NALF1: variants seen among roughly 807,000 people sequenced by gnomAD.
The protein encoded by NALF1 is NALCN channel auxiliary factor 1.
A neutral mutation model predicts 48.4 loss-of-function variants in NALF1; 3 were observed. The observed-to-expected ratio is 0.06, with a 90% CI of 0.03 to 0.16. NALF1 has a LOEUF of 0.16. Ranked by LOEUF, NALF1 falls within the 10% of genes least tolerant of loss-of-function variation. NALF1 has a pLI of 1.00. For synonymous variants in NALF1, 262 were observed against 245.7 expected, an observed-to-expected ratio of 1.07 and a Z score of -0.62; for missense variants, 526 against 571.5, an observed-to-expected ratio of 0.92 and a Z score of 0.81.
intron 1 of NALF1, among the ~76,000 whole-genome samples, chr13:107,774,670 A>G (rs963283102): frequency 6.6e-5 from 10 of 152,202 alleles, no homozygotes; most frequent in Non-Finnish European, 1.2e-4. Context: ...ATTATATGCA[A>G]TACCTATTAT....
intron 1 of NALF1, among the ~76,000 whole-genome samples, chr13:107,608,951 C>T (rs886500306): frequency 6.6e-6 from 1 of 152,186 alleles, no homozygotes; most frequent in African/African-American, 2.4e-5. Context: ...AGGGATGGTG[C>T]CGAGTGGGGC....
chr13:107,424,952 T>C (rs1369200324), intron 1 of NALF1, among the ~76,000 whole-genome samples: 1 of 152,206 alleles, frequency 6.6e-6, no homozygotes, highest in Non-Finnish European at 1.5e-5. Context: ...ACATCAAATA[T>C]ATCATCCTTT....
chr13:107,516,580 TTAAG>T (rs1297139908), intron 1 of NALF1, among the ~76,000 whole-genome samples: 1 of 152,174 alleles, frequency 6.6e-6, no homozygotes, highest in Non-Finnish European at 1.5e-5. Context: ...ACAAAACAAT[TTAAG>T]TAATCTTGTA....
intron 1 of NALF1, among the ~76,000 whole-genome samples, chr13:107,449,984 T>C (rs1227044331): frequency 6.6e-6 from 1 of 152,126 alleles, no homozygotes; most frequent in Non-Finnish European, 1.5e-5. Flanking sequence ...ATCAGCAATT[T>C]TCTTCAAAGT....
intron 1 of NALF1, among the ~76,000 whole-genome samples, chr13:107,813,720 G>A (rs891580005): frequency 3.3e-5 from 5 of 151,956 alleles, no homozygotes; most frequent in African/African-American, 1.2e-4. Context: ...GGGCTTGTGG[G>A]TTCAAACAAG....
intron 1 of NALF1, among the ~76,000 whole-genome samples, chr13:107,355,629 A>C (rs1474486224): frequency 6.6e-6 from 1 of 151,998 alleles, no homozygotes; most frequent in African/African-American, 2.4e-5. Context: ...AAAGGCGTGT[A>C]GCACTTCCCC....
Position 107,540,727 on chromosome 13 carries a change from C to T in NALF1, c.915+324955G>A, listed in dbSNP as rs1876975869. 2.6e-5 allele frequency among the ~76,000 whole-genome samples: 4 copies of T among 152,210 alleles called. No homozygotes were observed. In the South Asian group the frequency reaches 8.3e-4, roughly 31 times the overall value. ...TATACAAACTAAAGTCATCCAATTT[C>T]CAAACTCCTGCCAGCACAACAAGCA... is the stretch of plus-strand genomic sequence containing the variant. On this transcript the variant is annotated intron_variant, in intron 1 of 2. Transcript: ENST00000375915.
intron 1 of NALF1, among the ~76,000 whole-genome samples, chr13:107,402,765 G>A (rs978030031): frequency 4.6e-5 from 7 of 152,088 alleles, no homozygotes; most frequent in Admixed American, 6.6e-5. Context: ...GCCTAGAAAC[G>A]GGATTACATT....
chr13:107,748,389 GA>G (rs1469038359), intron 1 of NALF1, among the ~76,000 whole-genome samples: 2 of 152,116 alleles, frequency 1.3e-5, no homozygotes, highest in Non-Finnish European at 2.9e-5. Context: ...AATATAAGGA[GA>G]AAAAAGTCTC....
chr13:107,414,945 G>C (rs9301225), intron 1 of NALF1, among the ~76,000 whole-genome samples: 2 of 151,884 alleles, frequency 1.3e-5, no homozygotes, highest in Non-Finnish European at 2.9e-5. Context: ...CCCTTGCACA[G>C]TGTTCTAGAA....
intron 1 of NALF1, among the ~76,000 whole-genome samples, chr13:107,825,295 A>G (rs1288560596): frequency 1.3e-5 from 2 of 152,212 alleles, no homozygotes; most frequent in African/African-American, 4.8e-5. Flanking sequence ...TTTAACTAAA[A>G]TATCTTGTGT....
intron 1 of NALF1, among the ~76,000 whole-genome samples, chr13:107,298,389 GAC>G (rs1392727897): frequency 3.6e-5 from 3 of 83,850 alleles, no homozygotes; most frequent in Non-Finnish European, 5.0e-5. Flanking sequence ...AAGACAAAAA[GAC>G]ACACACACAC....
intron 1 of NALF1, among the ~76,000 whole-genome samples, chr13:107,590,533 A>C (rs1321404480): frequency 6.6e-6 from 1 of 152,018 alleles, no homozygotes; most frequent in Non-Finnish European, 1.5e-5. Context: ...CGCACTGTAC[A>C]GTATAATAAT....
chr13:107,479,813 T>G (rs2139059814), intron 1 of NALF1, among the ~76,000 whole-genome samples: 1 of 152,266 alleles, frequency 6.6e-6, no homozygotes. Flanking sequence ...CCTGTATAAC[T>G]TTTTAAAAAT....
At chr13:107,823,431 A>G (rs1879415596) in intron 1 of NALF1, among the ~76,000 whole-genome samples, 1 of 151,984 alleles carries the variant, frequency 6.6e-6, no homozygotes, top group Non-Finnish European at 1.5e-5. Context: ...TGCCAACTCC[A>G]CAATTTCCCA....
intron 1 of NALF1, among the ~76,000 whole-genome samples, chr13:107,669,837 A>ATCC (rs1197932340): frequency 1.3e-5 from 2 of 152,048 alleles, no homozygotes; most frequent in Non-Finnish European, 2.9e-5. Context: ...CTATTTCAGC[A>ATCC]TCCACCCTCC....
chr13:107,241,445 T>G (rs2138835333), intron 1 of NALF1, among the ~76,000 whole-genome samples: 1 of 152,322 alleles, frequency 6.6e-6, no homozygotes, highest in Admixed American at 6.5e-5. Context: ...TTTAATAAAG[T>G]TAATGGCGCC....
intron 1 of NALF1, among the ~76,000 whole-genome samples, chr13:107,244,691 T>C (rs1203169061): frequency 2.6e-5 from 4 of 152,198 alleles, no homozygotes; most frequent in African/African-American, 9.7e-5. Flanking sequence ...AGTATCTCTC[T>C]ACCTTTCACA....
At chr13:107,838,081 G>T (rs1291956172) in intron 1 of NALF1, among the ~76,000 whole-genome samples, 1 of 152,156 alleles carries the variant, frequency 6.6e-6, no homozygotes, top group Non-Finnish European at 1.5e-5. Context: ...GGTAAACTCG[G>T]CACAAGAAGT....
Sources: allele counts gnomAD v4.1 joint callset (sites outside exome capture counted in the v4.1 genomes callset), GRCh38; gene constraint gnomAD v4.1.1; transcripts MANE v1.5; gene names NCBI Gene and HGNC (gene_info 2026-07-23, HGNC 2026-07-21).